The following USP30 variants were observed in gnomAD, a reference collection of about 807,000 sequenced individuals.
USP30 encodes ubiquitin specific peptidase 30.
A neutral mutation model predicts 68.2 loss-of-function variants in USP30; 41 were observed. The ratio of observed to expected loss-of-function variants is 0.60; its 90% CI spans 0.47 to 0.78. The LOEUF is 0.78. Among genes scored for constraint, USP30 ranks in the 30% least tolerant of loss-of-function variants. USP30 has a pLI of 0.00. For missense variants in USP30, 522 were observed against 649.4 expected (o/e 0.80, Z 2.13); for synonymous variants, 229 against 253.7 (o/e 0.90, Z 0.93).
chr12:109,084,763 T>C lies in USP30; in HGVS notation c.1169-190T>C, dbSNP rs117410636. Among the ~76,000 whole-genome samples the C allele has an allele frequency of 5.4e-3, 818 of 152,352 alleles. 7 individuals are homozygous for C. The highest frequency in any genetic ancestry group is 0.04 in the South Asian group (192 of 4,824). Reference sequence around the variant, plus strand: ...TAGATACACTTTTCCTATTTGGGATTAAGACAGATTATCCCTATTTGAGAT... The same window carrying C: ...TAGATACACTTTTCCTATTTGGGATCAAGACAGATTATCCCTATTTGAGAT... On this transcript the variant is annotated intron_variant, in intron 11 of 12. Coordinates refer to ENST00000257548, the MANE Select transcript of USP30 (RefSeq NM_032663.5).
At chr12:109,067,474 AGTT>A (rs1566094129) in intron 3 of USP30, 47 bp from the exon 4 acceptor site, 2 of 1,508,002 alleles carry the variant, frequency 1.3e-6, no homozygotes, top group Middle Eastern at 1.7e-4. Flanking sequence ...TTTTCTGGTT[AGTT>A]GTTATGCTGA....
intron 5 of USP30, 57 bp downstream of exon 5, chr12:109,071,767 TA>T (rs1188640901): frequency 7.8e-5 from 114 of 1,462,248 alleles, no homozygotes; most frequent in Non-Finnish European, 9.8e-5. Flanking sequence ...TTAATAAGTA[TA>T]GGGGAGGCAA....
chr12:109,034,106 C>T (rs11066507), intron 3 of USP30, among the ~76,000 whole-genome samples: 32,858 of 152,082 alleles, frequency 0.22, 4,008 homozygotes, highest in Middle Eastern at 0.39. Context: ...AACAGCTCAA[C>T]GTGTCTGAGT....
At chr12:109,071,576 T>C (rs2041443362) in intron 4 of USP30, 36 bp from the exon 5 acceptor site, 1 of 1,594,772 alleles carries the variant, frequency 6.3e-7, no homozygotes, top group Non-Finnish European at 8.6e-7. Flanking sequence ...TCTTGCCTCT[T>C]CCAACCTCTC....
At position 109,055,434 on chromosome 12, in the gene USP30, G is replaced by A. The variant is rs1325832917; in HGVS notation, c.84-1248G>A. On this transcript the variant is annotated intron_variant, in intron 1 of 12. Coordinates refer to ENST00000257548, the MANE Select transcript of USP30 (RefSeq NM_032663.5). ...TTTTTTTTTTTTGAGGCAGAGTCTC[G>A]CTCAGTCACCCAGGCTGGAGTGCAG... Among the ~76,000 whole-genome samples the A allele has an allele frequency of 1.6e-4, 9 of 55,918 alleles. No individual in the cohort carries two copies. In the East Asian group the frequency reaches 7.0e-3, roughly 44 times the overall value. 36.7% of individuals were successfully genotyped at this position (55,918 alleles called of 152,430 possible).
intron 4 of USP30, 21 bp downstream of exon 4, chr12:109,067,648 G>A: frequency 6.2e-7 from 1 of 1,605,266 alleles, no homozygotes; most frequent in Non-Finnish European, 8.5e-7. Flanking sequence ...CATTTGAACA[G>A]GTTTAGCTTG....
Position 109,052,623 on chromosome 12 carries a change from G to GGCGGCT in USP30, c.-51_-50insTGCGGC. Reference sequence around the variant, plus strand: ...CGGGAACCGTCGTATCCCTCGGTCCGGCGGCGGCGGCGGCGGTAGCGGAGG... The same window carrying GGCGGCT: ...CGGGAACCGTCGTATCCCTCGGTCCGGCGGCTGCGGCGGCGGCGGCGGTAGCGGAGG... On this transcript the variant is annotated 5_prime_UTR_variant, in exon 1 of 13. Coordinates refer to ENST00000257548, the MANE Select transcript of USP30 (RefSeq NM_032663.5). 1 of 1,287,924 alleles carries GGCGGCT rather than the reference G, an allele frequency of 7.8e-7. No individual in the cohort carries two copies. 79.8% of individuals were successfully genotyped at this position (1,287,924 alleles called of 1,614,324 possible).
intron 3 of USP30, chr12:109,060,132 T>C (rs2041018275): frequency 6.6e-6 from 1 of 152,166 alleles, no homozygotes; most frequent in Non-Finnish European, 1.5e-5. Flanking sequence ...AATTTTTTTT[T>C]AATTTGGGTG....
At position 109,052,635 on chromosome 12, in the gene USP30, G is replaced by GGCGGTA. The variant is rs1228519634; in HGVS notation, c.-39_-34dup. On this transcript the variant is annotated 5_prime_UTR_variant, in exon 1 of 13. Coordinates refer to ENST00000257548, the MANE Select transcript of USP30 (RefSeq NM_032663.5). ...TATCCCTCGGTCCGGCGGCGGCGGCGGCGGTAGCGGAGGAGACGGTTTCAG... is the reference window on the plus strand; with the variant it reads ...TATCCCTCGGTCCGGCGGCGGCGGCGGCGGTAGCGGTAGCGGAGGAGACGGTTTCAG... The GGCGGTA allele has an allele frequency of 2.7e-6, 4 of 1,455,806 alleles. No homozygotes were observed. The highest frequency in any genetic ancestry group is 3.6e-6 in the Non-Finnish European group (4 of 1,110,542). The allele number at this position is 1,455,806 out of a possible 1,614,324, so 90.2% of individuals were successfully genotyped here. A position where few individuals can be genotyped will look rare whatever the true frequency, so the allele number is the denominator to read the frequency against.
chr12:109,029,864 G>A (rs2040468667), intron 3 of USP30, among the ~76,000 whole-genome samples: 1 of 151,978 alleles, frequency 6.6e-6, no homozygotes, highest in African/African-American at 2.4e-5. Context: ...GGGTGAGAGG[G>A]GCAACCTTTG....
chr12:109,075,155 A>AGATTGTTTT (rs1160175862), intron 7 of USP30, among the ~76,000 whole-genome samples: 1 of 152,198 alleles, frequency 6.6e-6, no homozygotes, highest in Non-Finnish European at 1.5e-5. Flanking sequence ...GCTACAATGA[A>AGATTGTTTT]GATTGTTTTG....
At position 109,087,932 on chromosome 12, in the gene USP30, C is replaced by T. The variant is rs1448469109; in HGVS notation, c.*2001C>T. The T allele has an allele frequency of 1.8e-5, 4 of 227,214 alleles. No individual in the cohort carries two copies. The highest frequency in any genetic ancestry group is 2.5e-5 in the Non-Finnish European group (3 of 118,238). The allele number at this position is 227,214 out of a possible 1,614,324, so 14.1% of individuals were successfully genotyped here. The stretch of plus-strand genomic sequence containing the variant: ...AACCTAAGTTAAACTAGTAGTTTTG[C>T]CATAATAACTGCTGATTTATGTATT... On this transcript the variant is annotated 3_prime_UTR_variant, in exon 13 of 13. Coordinates refer to ENST00000257548, the MANE Select transcript of USP30 (RefSeq NM_032663.5).
Position 109,052,717 on chromosome 12 carries a change from C to T in USP30, c.39C>T (p.Ala13=), listed in dbSNP as rs1483070656. 8.1e-6 allele frequency: 12 copies of T among 1,479,050 alleles called. No individual in the cohort carries two copies. The highest frequency in any genetic ancestry group is 1.1e-5 in the Non-Finnish European group (12 of 1,116,766). 91.6% of individuals were successfully genotyped at this position (1,479,050 alleles called of 1,614,324 possible). ...GGGCCGAGGCGGCGATGACCGCGGC[C>T]GACAGGGCCATCCAGCGCTTCCTGC... ...SSRAEAAMTA[A]DRAIQRFLRT... The change falls in exon 1 of 13, where the codon GCC becomes GCT. Residue 13 remains alanine (A), a synonymous_variant. Transcript: ENST00000257548.
chr12:109,084,379 G>T (rs1160999931), intron 11 of USP30, among the ~76,000 whole-genome samples: 1 of 152,222 alleles, frequency 6.6e-6, no homozygotes. Flanking sequence ...GTATTCCTTA[G>T]AAGCTGACAG....
chr12:109,067,984 T>G (rs1341393724), intron 4 of USP30, among the ~76,000 whole-genome samples: 1 of 152,126 alleles, frequency 6.6e-6, no homozygotes, highest in African/African-American at 2.4e-5. Flanking sequence ...TTAGGTAAGA[T>G]TTTTCTGGAC....
At chr12:109,027,828 C>G (rs1269173937) in intron 3 of USP30, among the ~76,000 whole-genome samples, 1 of 152,098 alleles carries the variant, frequency 6.6e-6, no homozygotes, top group Non-Finnish European at 1.5e-5. Flanking sequence ...ACCTTTTTGG[C>G]TATTGTGAAG....
Position 109,081,157 on chromosome 12 carries a change from T to C in USP30, c.721-177T>C, listed in dbSNP as rs112560175. On this transcript the variant is annotated intron_variant, in intron 7 of 12. Coordinates refer to ENST00000257548, the MANE Select transcript of USP30 (RefSeq NM_032663.5). The stretch of plus-strand genomic sequence containing the variant: ...TTCTTTAGTATTATTGTACCTCTTA[T>C]GTGTACAAGGTTGTTTTAATATGTT... 9.5e-3 allele frequency among the ~76,000 whole-genome samples: 1,453 copies of C among 152,378 alleles called. 25 individuals are homozygous for C. The highest frequency in any genetic ancestry group is 0.033 in the African/African-American group (1,375 of 41,594).
At chr12:109,062,869 C>A (rs2041121038) in intron 3 of USP30, among the ~76,000 whole-genome samples, 1 of 152,168 alleles carries the variant, frequency 6.6e-6, no homozygotes, top group Non-Finnish European at 1.5e-5. Flanking sequence ...AACTCCCACT[C>A]TCCCCTCCCC....
At chr12:109,044,988 C>CTTTTTTT (rs34418635) in intron 3 of USP30, among the ~76,000 whole-genome samples, 76 of 100,188 alleles carry the variant, frequency 7.6e-4, no homozygotes, top group African/African-American at 8.6e-4. Context: ...GGTCAAACAT[C>CTTTTTTT]TTTTTTTTTT....
Sources: gnomAD v4.1 joint callset for allele counts (sites outside exome capture counted in the v4.1 genomes callset) on GRCh38, gnomAD v4.1.1 for gene constraint, MANE v1.5 for transcripts, NCBI Gene and HGNC (gene_info 2026-07-23, HGNC 2026-07-21) for gene names.